The following KCNK10 variants were observed in gnomAD, a reference collection of about 807,000 sequenced individuals.
The protein encoded by KCNK10 is potassium two pore domain channel subfamily K member 10.
KCNK10 carries 25 observed loss-of-function variants against 47.7 expected under a neutral mutation model. The ratio of observed to expected loss-of-function variants is 0.52; its 90% confidence interval spans 0.38 to 0.73. The LOEUF is 0.73. Among genes scored for constraint, KCNK10 ranks in the 30% least tolerant of loss-of-function variants. KCNK10 has a pLI of 0.00. For missense variants in KCNK10, 563 were observed against 714.5 expected (o/e 0.79, Z 2.42); for synonymous variants, 303 against 285.6 (o/e 1.06, Z -0.61).
At chr14:88,319,350 C>T (rs1316323713) in intron 1 of KCNK10, among the ~76,000 whole-genome samples, 1 of 152,144 alleles carries the variant, frequency 6.6e-6, no homozygotes, top group East Asian at 1.9e-4. Context: ...ATGAGAGCAC[C>T]TCCGCCTGAA....
intron 4 of KCNK10, among the ~76,000 whole-genome samples, chr14:88,205,980 T>C (rs1029510319): frequency 6.6e-6 from 1 of 152,186 alleles, no homozygotes; most frequent in Non-Finnish European, 1.5e-5. Context: ...TTTTATAATT[T>C]GGAATTCTAG....
intron 2 of KCNK10, among the ~76,000 whole-genome samples, chr14:88,253,936 A>G (rs577605315): frequency 1.3e-5 from 2 of 152,196 alleles, no homozygotes; most frequent in East Asian, 1.9e-4. Flanking sequence ...TCATAAAGTG[A>G]AAACCAATGG....
intron 4 of KCNK10, among the ~76,000 whole-genome samples, chr14:88,198,892 C>CTTCTT (rs1555359840): frequency 7.4e-6 from 1 of 135,286 alleles, no homozygotes; most frequent in Non-Finnish European, 1.6e-5. Flanking sequence ...TCTCCTTTGT[C>CTTCTT]TTATTTTATT....
At chr14:88,207,451 G>A (rs1334767069) in intron 4 of KCNK10, among the ~76,000 whole-genome samples, 2 of 152,114 alleles carry the variant, frequency 1.3e-5, no homozygotes, top group Non-Finnish European at 2.9e-5. Flanking sequence ...TGGGATTACA[G>A]GCGCGAGCCA....
At chr14:88,206,727 C>T (rs2139845521) in intron 4 of KCNK10, among the ~76,000 whole-genome samples, 1 of 152,296 alleles carries the variant, frequency 6.6e-6, no homozygotes, top group East Asian at 1.9e-4. Context: ...TAACAGAGCA[C>T]CTATTATTGA....
At chr14:88,232,665 AG>A (rs1389588282) in intron 3 of KCNK10, among the ~76,000 whole-genome samples, 1 of 152,236 alleles carries the variant, frequency 6.6e-6, no homozygotes, top group Non-Finnish European at 1.5e-5. Flanking sequence ...AAAGAGTGAG[AG>A]AGAAAATTGT....
At chr14:88,300,113 T>C (rs1050835217) in intron 1 of KCNK10, among the ~76,000 whole-genome samples, 5 of 152,148 alleles carry the variant, frequency 3.3e-5, no homozygotes, top group African/African-American at 1.2e-4. Context: ...CTTTGCCGAT[T>C]CCCCTCTGAT....
chr14:88,322,942 GAA>G lies in KCNK10; in HGVS notation c.-146_-145del, dbSNP rs1888579440. On this transcript the variant is annotated 5_prime_UTR_variant, in exon 1 of 7. Coordinates refer to ENST00000319231, the MANE Select transcript of KCNK10 (RefSeq NM_138317.3). This position sits in a 1 kb window ranked among gnomAD's most constrained non-coding sequence, Gnocchi z 4.8. Reference sequence around the variant, plus strand: ...TGGACTGGCTCGTGGAGGAACCCCAGAAAAAGACAGGTGGGAAAATATTAGCT... The same window carrying G: ...TGGACTGGCTCGTGGAGGAACCCCAGAAAGACAGGTGGGAAAATATTAGCT... The G allele has an allele frequency of 6.7e-7, 1 of 1,491,602 alleles. No individual in the cohort carries two copies. The highest frequency in any genetic ancestry group is 2.2e-5 in the Admixed American group (1 of 44,788). The allele number at this position is 1,491,602 out of a possible 1,614,324, so 92.4% of individuals were successfully genotyped here. A position where few individuals can be genotyped will look rare whatever the true frequency, so the allele number is the denominator to read the frequency against.
rs1432986360 is a variant in KCNK10, at chr14:88,182,072, ACACACACACACACT to A, written c.*3449_*3462del. On this transcript the variant is annotated 3_prime_UTR_variant, in exon 7 of 7. Transcript: ENST00000319231. The stretch of plus-strand genomic sequence containing the variant: ...CACACACACACACACACACACACAC[ACACACACACACACT>A]CTATACAGCCCTGCCCCAAAGTGAT... 9 of 151,956 alleles carry A rather than the reference ACACACACACACACT, an allele frequency of 5.9e-5. No individual in the cohort carries two copies. Among genetic ancestry groups the A allele is most frequent in the African/African-American group, 2.3e-4 (9 of 39,598 alleles). 9.4% of individuals were successfully genotyped at this position (151,956 alleles called of 1,614,324 possible). A position where few individuals can be genotyped will look rare whatever the true frequency, so the allele number is the denominator to read the frequency against.
rs538365088 is a variant in KCNK10, at chr14:88,254,892, G to A, written c.402+8310C>T. On this transcript the variant is annotated intron_variant, in intron 2 of 6. Coordinates refer to ENST00000319231, the MANE Select transcript of KCNK10 (RefSeq NM_138317.3). The stretch of plus-strand genomic sequence containing the variant: ...CGCTTGAGAGAAGAAAGACGGGTGG[G>A]AGAAGGAAATAGCATTTCCTGATGC... Among the ~76,000 whole-genome samples, 9 of 152,286 alleles carry A rather than the reference G, an allele frequency of 5.9e-5. No homozygotes were observed. In the South Asian group the frequency reaches 1.9e-3, roughly 32 times the overall value.
chr14:88,263,436 C>T lies in KCNK10; in HGVS notation c.168G>A (p.Val56=), dbSNP rs774340444. The T allele has an allele frequency of 6.2e-7, 1 of 1,614,180 alleles. No homozygotes were observed. The highest frequency in any genetic ancestry group is 2.2e-5 in the East Asian group (1 of 44,888). ...PRLSISSRAT[V]VARMEGTSQG... is the part of the protein sequence containing the mutation. ...GGGAGGTGCCTTCCATCCTGGCTAC[C>T]ACTGTGGCTCGGGAGGAAATGGACA... The change falls in exon 2 of 7, where the codon GTG becomes GTA. Residue 56 remains valine (V), a synonymous_variant. Transcript: ENST00000319231.
chr14:88,187,120 G>A (rs1884590085), intron 6 of KCNK10, among the ~76,000 whole-genome samples: 1 of 152,142 alleles, frequency 6.6e-6, no homozygotes, highest in Non-Finnish European at 1.5e-5. Context: ...TTACTTTCCT[G>A]GCTTACTTAT....
chr14:88,202,283 C>T (rs988848632), intron 4 of KCNK10, among the ~76,000 whole-genome samples: 5 of 152,198 alleles, frequency 3.3e-5, no homozygotes, highest in Admixed American at 6.5e-5. Context: ...CCAAACAGAG[C>T]TAATGTGATC....
chr14:88,306,228 G>C (rs1888200118), intron 1 of KCNK10, among the ~76,000 whole-genome samples: 1 of 152,102 alleles, frequency 6.6e-6, no homozygotes, highest in African/African-American at 2.4e-5. Context: ...TATACAACAA[G>C]CACATAACCA....
intron 3 of KCNK10, among the ~76,000 whole-genome samples, chr14:88,231,081 C>T (rs1007809447): frequency 8.6e-5 from 13 of 151,964 alleles, no homozygotes; most frequent in Non-Finnish European, 1.8e-4. Context: ...TTGAGACCAG[C>T]CTGAACAATA....
At chr14:88,290,621 G>A (rs1043941009) in intron 1 of KCNK10, among the ~76,000 whole-genome samples, 1 of 152,164 alleles carries the variant, frequency 6.6e-6, no homozygotes, top group South Asian at 2.1e-4. Context: ...GAGGCACAGG[G>A]AAGTTAGGTA....
intron 4 of KCNK10, among the ~76,000 whole-genome samples, chr14:88,218,767 G>A (rs1885704914): frequency 6.6e-6 from 1 of 152,074 alleles, no homozygotes; most frequent in African/African-American, 2.4e-5. Context: ...GGCCCAGCAA[G>A]ACAGCTACCC....
intron 1 of KCNK10, among the ~76,000 whole-genome samples, chr14:88,305,675 C>T (rs559784381): frequency 2.0e-5 from 3 of 152,244 alleles, no homozygotes; most frequent in African/African-American, 7.2e-5. Flanking sequence ...ATTTGGGTTT[C>T]CCCAGAAGCT....
intron 4 of KCNK10, among the ~76,000 whole-genome samples, chr14:88,205,542 C>CTTTTTTTTTTTTTTTTT (rs200265659): frequency 2.6e-5 from 3 of 115,780 alleles, no homozygotes; most frequent in African/African-American, 6.6e-5. Flanking sequence ...CTTTTCTTTT[C>CTTTTTTTTTTTTTTTTT]TTTTTTTTTT....
Sources: gnomAD v4.1 joint callset for allele counts (sites outside exome capture counted in the v4.1 genomes callset) on GRCh38, gnomAD v4.1.1 for gene constraint, Gnocchi (gnomAD v3.1) non-coding constraint, MANE v1.5 for transcripts, NCBI Gene and HGNC (gene_info 2026-07-23, HGNC 2026-07-21) for gene names.